The following SPAG16 variants were observed in gnomAD, a reference collection of about 807,000 sequenced individuals.
SPAG16 encodes the protein sperm associated antigen 16.
In SPAG16, 86 loss-of-function variants were observed where a neutral mutation model predicts 80.4. That is an observed-to-expected ratio of 1.07 (90% CI 0.90 to 1.28). The LOEUF is 1.28. Among genes scored for constraint, SPAG16 ranks in the 50% most tolerant of loss-of-function variants. The probability of loss-of-function intolerance (pLI) is 0.00; values close to 1 mark genes in which losing one functional copy is unlikely to be tolerated. For missense variants in SPAG16, 870 were observed against 765.3 expected, an observed-to-expected ratio of 1.14 and a Z score of -1.61; for synonymous variants, 294 against 265.9, an observed-to-expected ratio of 1.11 and a Z score of -1.03.
At position 213,776,378 on chromosome 2, in the gene SPAG16, A is replaced by T. The variant is rs1454203362; in HGVS notation, c.1071-86107A>T. The stretch of plus-strand genomic sequence containing the variant: ...AATGTGGGTGATCACTAGAAGTTGG[A>T]AACAGCAAGGAAATGGATTCTCCAC... On this transcript the variant is annotated intron_variant, in intron 10 of 15. Transcript: ENST00000331683. Among the ~76,000 whole-genome samples the T allele has an allele frequency of 3.3e-5, 5 of 152,216 alleles. No homozygotes were observed. In the East Asian group the frequency reaches 9.6e-4, roughly 29 times the overall value.
At chr2:214,028,892 G>A (rs1282200932) in intron 13 of SPAG16, among the ~76,000 whole-genome samples, 3 of 151,996 alleles carry the variant, frequency 2.0e-5, no homozygotes, top group African/African-American at 4.8e-5. Flanking sequence ...CATTCAACAC[G>A]TAAGTACTGA....
intron 14 of SPAG16, among the ~76,000 whole-genome samples, chr2:214,111,921 T>C (rs2053684837): frequency 6.6e-6 from 1 of 152,162 alleles, no homozygotes; most frequent in South Asian, 2.1e-4. Context: ...TTTGGTTTCC[T>C]GTTTGTCTGT....
intron 15 of SPAG16, among the ~76,000 whole-genome samples, chr2:214,262,622 A>G (rs942328789): frequency 2.3e-4 from 35 of 152,184 alleles, no homozygotes; most frequent in African/African-American, 8.4e-4. Context: ...ATAATAATTT[A>G]TGTCAAAACA....
chr2:213,597,543 A>G lies in SPAG16; in HGVS notation c.1070+107453A>G, dbSNP rs148396337. The stretch of plus-strand genomic sequence containing the variant: ...TTCTAAATTCTAGAAATTTACTGAA[A>G]CAAGATTTTAATTCAAAACTTCATC... On this transcript the variant is annotated intron_variant, in intron 10 of 15. Transcript: ENST00000331683. Among the ~76,000 whole-genome samples, 21 of 152,316 alleles carry G rather than the reference A, an allele frequency of 1.4e-4. No individual in the cohort carries two copies. In the East Asian group the frequency reaches 3.8e-3, roughly 28 times the overall value.
chr2:213,761,539 G>C (rs1276042372), intron 10 of SPAG16, among the ~76,000 whole-genome samples: 1 of 151,878 alleles, frequency 6.6e-6, no homozygotes, highest in African/African-American at 2.4e-5. Flanking sequence ...TGAGAGAAAA[G>C]ATTCAAGTAA....
chr2:213,504,765 G>T (rs563820490), intron 10 of SPAG16, among the ~76,000 whole-genome samples: 353 of 152,294 alleles, frequency 2.3e-3, no homozygotes, highest in Non-Finnish European at 3.9e-3. Context: ...AAAAGGGGAA[G>T]TTTATAAAAG....
intron 9 of SPAG16, among the ~76,000 whole-genome samples, chr2:213,456,045 G>A (rs559404528): frequency 3.3e-5 from 5 of 152,254 alleles, no homozygotes; most frequent in South Asian, 2.1e-4. Context: ...CCTGCCTTTC[G>A]CCACACCTTG....
At chr2:213,861,715 G>A (rs2075473510) in intron 10 of SPAG16, among the ~76,000 whole-genome samples, 1 of 152,152 alleles carries the variant, frequency 6.6e-6, no homozygotes, top group Non-Finnish European at 1.5e-5. Flanking sequence ...CATTAACCTT[G>A]TAGACTTTTG....
At chr2:213,855,462 C>A (rs1445886826) in intron 10 of SPAG16, among the ~76,000 whole-genome samples, 1 of 152,222 alleles carries the variant, frequency 6.6e-6, no homozygotes, top group African/African-American at 2.4e-5. Flanking sequence ...GTAAACGTAA[C>A]TCATAGGAGA....
At position 214,408,595 on chromosome 2, in the gene SPAG16, T is replaced by C. The variant is rs150687970; in HGVS notation, c.1721-1545T>C. On this transcript the variant is annotated intron_variant, in intron 15 of 15. Transcript: ENST00000331683. ...TTCTCTGTTTTAGAGGTATTCATGA[T>C]GTTTGGGGGTAAAATTTGTGATTAA... 1.4e-4 allele frequency among the ~76,000 whole-genome samples: 22 copies of C among 152,344 alleles called. No individual in the cohort carries two copies. The East Asian group carries it at 4.2e-3, about 29-fold the overall frequency.
intron 5 of SPAG16, among the ~76,000 whole-genome samples, chr2:213,336,455 G>C (rs911053432): frequency 6.6e-6 from 1 of 152,222 alleles, no homozygotes; most frequent in Non-Finnish European, 1.5e-5. Context: ...GCCAGCCAAC[G>C]CAGCAGGTCA....
chr2:213,384,541 C>G (rs1042829131), intron 9 of SPAG16, among the ~76,000 whole-genome samples: 1 of 152,142 alleles, frequency 6.6e-6, no homozygotes, highest in African/African-American at 2.4e-5. Flanking sequence ...CCTGTGTCAA[C>G]AGTTTCACAA....
At chr2:213,524,250 C>A (rs186380672) in intron 10 of SPAG16, among the ~76,000 whole-genome samples, 2 of 152,280 alleles carry the variant, frequency 1.3e-5, no homozygotes, top group East Asian at 3.9e-4. Context: ...TGCAGATGTA[C>A]AGAAGACAAA....
At chr2:213,727,230 C>T (rs532043335) in intron 10 of SPAG16, among the ~76,000 whole-genome samples, 1 of 152,196 alleles carries the variant, frequency 6.6e-6, no homozygotes, top group African/African-American at 2.4e-5. Context: ...ATCATTTGTG[C>T]TGGGCATTAC....
At chr2:213,573,346 T>G (rs1363225453) in intron 10 of SPAG16, among the ~76,000 whole-genome samples, 1 of 152,252 alleles carries the variant, frequency 6.6e-6, no homozygotes, top group Non-Finnish European at 1.5e-5. Flanking sequence ...ACAATCATTT[T>G]TATTTCTCTG....
chr2:214,064,947 C>A (rs1172672174), intron 13 of SPAG16, among the ~76,000 whole-genome samples: 1 of 151,624 alleles, frequency 6.6e-6, no homozygotes, highest in African/African-American at 2.4e-5. Flanking sequence ...TCTTTTATTT[C>A]ATTTTTTCAA....
intron 9 of SPAG16, among the ~76,000 whole-genome samples, chr2:213,476,935 T>C (rs904349607): frequency 6.6e-6 from 1 of 151,796 alleles, no homozygotes; most frequent in Non-Finnish European, 1.5e-5. Context: ...TAAGGCAGAG[T>C]AGAATTTTAT....
intron 11 of SPAG16, among the ~76,000 whole-genome samples, chr2:213,907,822 G>T (rs943519298): frequency 6.6e-6 from 1 of 152,134 alleles, no homozygotes; most frequent in African/African-American, 2.4e-5. Context: ...CTAAAAAAAC[G>T]TTGAGCACAT....
chr2:214,235,737 C>A lies in SPAG16; in HGVS notation c.1720+86471C>A, dbSNP rs76697453. 0.013 allele frequency among the ~76,000 whole-genome samples: 1,904 copies of A among 152,138 alleles called. 97 individuals are homozygous for A. In the East Asian group the frequency reaches 0.16, roughly 13 times the overall value. On this transcript the variant is annotated intron_variant, in intron 15 of 15. Transcript: ENST00000331683. The stretch of plus-strand genomic sequence containing the variant: ...TTCATGCCCATTGGCAAAGTAATAC[C>A]AAATTGCAAGGTTTAAACTATGTAG...
Sources: allele counts gnomAD v4.1 joint callset (sites outside exome capture counted in the v4.1 genomes callset), GRCh38; gene constraint gnomAD v4.1.1; transcripts MANE v1.5; gene names NCBI Gene and HGNC (gene_info 2026-07-23, HGNC 2026-07-21).